Variants in PLIN1 observed in about 807,000 individuals in gnomAD.
The protein encoded by PLIN1 is perilipin 1.
PLIN1 carries 37 observed loss-of-function variants against 45.8 expected under a neutral mutation model. The ratio of observed to expected loss-of-function variants is 0.81; its 90% CI spans 0.62 to 1.06. The LOEUF is 1.06. Ranked by LOEUF, PLIN1 falls within the 50% of genes least tolerant of loss-of-function variation. The pLI is 0.00. For synonymous variants in PLIN1, 340 were observed against 309.2 expected (o/e 1.10, Z -1.05); for missense variants, 776 against 716.5 (o/e 1.08, Z -0.95).
chr15:89,674,496 C>T (rs1964487058), intron 2 of PLIN1, among the ~76,000 whole-genome samples: 1 of 152,128 alleles, frequency 6.6e-6, no homozygotes, highest in Non-Finnish European at 1.5e-5. Context: ...CTGCCTCAGC[C>T]TCCCAAATCA....
rs1425551357 is a variant in PLIN1, at chr15:89,671,631, G to A, written c.251-67C>T. On this transcript the variant is annotated intron_variant, in intron 3 of 8. Transcript: ENST00000300055. ...CCATGAGAATCTAGCAGTGGCTTCT[G>A]TGCCAAGGAAGTGACTTGGAGCCCT... The A allele has an allele frequency of 7.6e-6, 9 of 1,185,786 alleles. No individual in the cohort carries two copies. In the African/African-American group the frequency reaches 1.1e-4, roughly 14 times the overall value. 73.5% of individuals were successfully genotyped at this position (1,185,786 alleles called of 1,614,324 possible). A position where few individuals can be genotyped will look rare whatever the true frequency, so the allele number is the denominator to read the frequency against.
chr15:89,677,740 CT>C (rs1256478112), intron 1 of PLIN1: 3 of 532,340 alleles, frequency 5.6e-6, no homozygotes, highest in Non-Finnish European at 1.0e-5. Context: ...CTTTCTTTTT[CT>C]TTTCTTTCTT....
chr15:89,666,843 G>A (rs1479713119), intron 8 of PLIN1, 93 bp downstream of exon 8: 4 of 1,438,028 alleles, frequency 2.8e-6, no homozygotes, highest in Non-Finnish European at 3.9e-6. Flanking sequence ...TAGGGGAAAG[G>A]AGGGGGACTG....
chr15:89,678,370 C>T (rs766820287), intron 1 of PLIN1, among the ~76,000 whole-genome samples: 4 of 151,466 alleles, frequency 2.6e-5, no homozygotes, highest in Non-Finnish European at 4.4e-5. Context: ...ATTAGCCAGA[C>T]GTGGTGGTGG....
rs2350483 is a variant in PLIN1 at position 89,667,940 on chromosome 15, T to G, written c.772-147A>C. 1,213,576 of 1,262,810 alleles carry G rather than the reference T, an allele frequency of 0.96. 586,799 individuals carry two copies. The highest frequency in any genetic ancestry group is 1 in the Non-Finnish European group (926,419 of 929,304). 78.2% of individuals were successfully genotyped at this position (1,262,810 alleles called of 1,614,324 possible). A position where few individuals can be genotyped will look rare whatever the true frequency, so the allele number is the denominator to read the frequency against. On this transcript the variant is annotated intron_variant, in intron 6 of 8. Coordinates refer to ENST00000300055, the MANE Select transcript of PLIN1 (RefSeq NM_002666.5). ...GCAGACTTTTCTGGAAACTTTTTAT[T>G]GAGTTGGTAATCTACATACACTAAA...
Position 89,668,179 on chromosome 15 carries a change from G to A in PLIN1, c.772-386C>T, listed in dbSNP as rs1232288753. On this transcript the variant is annotated intron_variant, in intron 6 of 8. Transcript: ENST00000300055. ...CTTCATGTAAGTGGAGTCACACCAT[G>A]TGTATTCATCTATTAATAGCTCCTT... Among the ~76,000 whole-genome samples the A allele has an allele frequency of 2.6e-5, 4 of 152,302 alleles. No homozygotes were observed. The East Asian group carries it at 7.7e-4, about 29-fold the overall frequency.
In PLIN1 at chr15:89,670,223, T is replaced by C. The variant is rs1156992621; in HGVS notation, c.355A>G (p.Thr119Ala). ...PEKIASELKD[T>A]ISTRLRSARN... ...GCACTGCGGAGGCGGGTGGAGATGG[T>C]GTCCTTCAGCTCAGAAGCAATCTGG... Residue 119 changes from threonine (T) to alanine (A), a missense_variant, in exon 5 of 9, where the codon ACC becomes GCC. By Grantham distance (58) the Thr-to-Ala change is moderately conservative. Coordinates refer to ENST00000300055, the MANE Select transcript of PLIN1 (RefSeq NM_002666.5). The C allele has an allele frequency of 6.2e-7, 1 of 1,613,002 alleles. No individual in the cohort carries two copies. Among genetic ancestry groups the C allele is most frequent in the Non-Finnish European group, 8.5e-7 (1 of 1,179,518 alleles).
chr15:89,667,228 C>G, intron 7 of PLIN1, 47 bp from the exon 8 acceptor site: 1 of 1,607,678 alleles, frequency 6.2e-7, no homozygotes, highest in Non-Finnish European at 8.5e-7. Flanking sequence ...ACTCCCCTGA[C>G]CCTTCCCTCC....
Position 89,670,051 on chromosome 15 carries a change from C to T in PLIN1, c.527G>A (p.Gly176Glu), listed in dbSNP as rs747350591. 2 of 1,613,948 alleles carry T rather than the reference C, an allele frequency of 1.2e-6. No individual in the cohort carries two copies. Among genetic ancestry groups the T allele is most frequent in the African/African-American group, 2.7e-5 (2 of 74,918 alleles). Residue 176 changes from glycine to glutamate, a missense_variant, in exon 5 of 9, where the codon GGG (glycine) becomes GAG (glutamate). By Grantham distance (98) the Gly-to-Glu change is moderately conservative. Transcript: ENST00000300055. ...AATGCTGCCCAAGGCCAAGTCGGCCCCTCCAGAAGCCAGTCGGCCAGCTCG... is the reference window on the plus strand; with the variant it reads ...AATGCTGCCCAAGGCCAAGTCGGCCTCTCCAGAAGCCAGTCGGCCAGCTCG... ...NTRAGRLASG[G>E]ADLALGSIEK...
chr15:89,671,379 GAC>G lies in PLIN1; in HGVS notation c.333+101_333+102del, dbSNP rs951754160. On this transcript the variant is annotated intron_variant, in intron 4 of 8. Coordinates refer to ENST00000300055, the MANE Select transcript of PLIN1 (RefSeq NM_002666.5). ...CAGCCTTGGAGGGTGCTCACCATGGGACACAGACTTCCAGTCACGGCATCAGC... is the reference window on the plus strand; with the variant it reads ...CAGCCTTGGAGGGTGCTCACCATGGGACAGACTTCCAGTCACGGCATCAGC... 61 of 847,356 alleles carry G rather than the reference GAC, an allele frequency of 7.2e-5. No individual in the cohort carries two copies. The Middle Eastern group carries it at 9.9e-4, about 14-fold the overall frequency. The allele number at this position is 847,356 out of a possible 1,614,324, so 52.5% of individuals were successfully genotyped here.
chr15:89,665,207 G>T lies in PLIN1; in HGVS notation c.*376C>A, dbSNP rs1197232022. The T allele has an allele frequency of 4.4e-6, 1 of 225,258 alleles. No individual in the cohort carries two copies. Among genetic ancestry groups the T allele is most frequent in the African/African-American group, 2.3e-5 (1 of 43,252 alleles). 14.0% of individuals were successfully genotyped at this position (225,258 alleles called of 1,614,324 possible). A position where few individuals can be genotyped will look rare whatever the true frequency, so the allele number is the denominator to read the frequency against. ...TGGTGACAGGAGTTACTCATTCGTGGCAAATATTTATCCGCAGAGGCAGAA... is the reference window on the plus strand; with the variant it reads ...TGGTGACAGGAGTTACTCATTCGTGTCAAATATTTATCCGCAGAGGCAGAA... On this transcript the variant is annotated 3_prime_UTR_variant, in exon 9 of 9. Transcript: ENST00000300055.
Position 89,665,884 on chromosome 15 carries a change from G to C in PLIN1, c.1268C>G (p.Pro423Arg). Residue 423 changes from proline (P) to arginine (R), a missense_variant, in exon 9 of 9, where the codon CCA becomes CGA. Pro to Arg is a moderately radical substitution (Grantham distance 103). Transcript: ENST00000300055. The part of the protein sequence containing the change: ...ESEFRDIDNP[P>R]AEVERREAER... ...CGCCTCCCGGCGCTCGACCTCGGCT[G>C]GTGGGTTGTCGATGTCCCGGAATTC... 6.5e-7 allele frequency: 1 copy of C among 1,527,522 alleles called. No homozygotes were observed. Among genetic ancestry groups the C allele is most frequent in the African/African-American group, 1.4e-5 (1 of 70,818 alleles). The allele number at this position is 1,527,522 out of a possible 1,614,324, so 94.6% of individuals were successfully genotyped here. A position where few individuals can be genotyped will look rare whatever the true frequency, so the allele number is the denominator to read the frequency against.
chr15:89,667,261 G>T, intron 7 of PLIN1, 80 bp from the exon 8 acceptor site: 3 of 1,580,866 alleles, frequency 1.9e-6, no homozygotes, highest in Non-Finnish European at 2.6e-6. Flanking sequence ...GGGCTAGAGG[G>T]GAAAGCATGA....
chr15:89,673,386 A>G lies in PLIN1; in HGVS notation c.74T>C (p.Leu25Pro), dbSNP rs1339134907. Residue 25 changes from leucine (L) to proline (P), a missense_variant, in exon 3 of 9, where the codon CTG (leucine) becomes CCG (proline). Coordinates refer to ENST00000300055, the MANE Select transcript of PLIN1 (RefSeq NM_002666.5). ...PEQENVLQRV[L>P]QLPVVSGTCE... The stretch of plus-strand genomic sequence containing the variant: ...GGTGCCACTCACCACCGGCAGCTGC[A>G]GGACCCGCTGCAGCACATTCTCCTG... 3.7e-6 allele frequency: 6 copies of G among 1,603,880 alleles called. No individual in the cohort carries two copies. The highest frequency in any genetic ancestry group is 5.1e-6 in the Non-Finnish European group (6 of 1,175,126).
Position 89,665,186 on chromosome 15 carries a change from G to A in PLIN1, c.*397C>T, listed in dbSNP as rs993027915. On this transcript the variant is annotated 3_prime_UTR_variant, in exon 9 of 9. Transcript: ENST00000300055. ...CTTCTGTCTGGACCTTCAGAGTGGT[G>A]ACAGGAGTTACTCATTCGTGGCAAA... is the stretch of plus-strand genomic sequence containing the variant. 11 of 232,698 alleles carry A rather than the reference G, an allele frequency of 4.7e-5. No individual in the cohort carries two copies. In the Admixed American group the frequency reaches 5.7e-4, roughly 12 times the overall value. The allele number at this position is 232,698 out of a possible 1,614,324, so 14.4% of individuals were successfully genotyped here.
rs575081416 is a variant in PLIN1, at chr15:89,665,546, A to G, written c.*37T>C. On this transcript the variant is annotated 3_prime_UTR_variant, in exon 9 of 9. Transcript: ENST00000300055. The stretch of plus-strand genomic sequence containing the variant: ...CGGGTTCTGTTTATTTGTTAGAGAA[A>G]CCCGCCGGCCCGGGGCGCGGCGGCT... 2.6e-6 allele frequency: 4 copies of G among 1,515,010 alleles called. No individual in the cohort carries two copies. Among genetic ancestry groups the G allele is most frequent in the Admixed American group, 2.0e-5 (1 of 49,842 alleles). The allele number at this position is 1,515,010 out of a possible 1,614,324, so 93.8% of individuals were successfully genotyped here.
intron 6 of PLIN1, among the ~76,000 whole-genome samples, chr15:89,669,118 C>T (rs75678048): frequency 0.019 from 2,828 of 152,204 alleles, 108 homozygotes; most frequent in African/African-American, 0.065. Flanking sequence ...ATGACAGTCC[C>T]TAGTGCTTGC....
At chr15:89,667,910 C>A (rs1004192714) in intron 6 of PLIN1, 117 bp from the exon 7 acceptor site, 2 of 1,465,204 alleles carry the variant, frequency 1.4e-6, no homozygotes, top group Admixed American at 4.7e-5. Flanking sequence ...CAGGGCTCAG[C>A]CCCAGCAGAC....
Position 89,665,499 on chromosome 15 carries a change from G to T in PLIN1, c.*84C>A. 1 of 1,368,548 alleles carries T rather than the reference G, an allele frequency of 7.3e-7. No individual in the cohort carries two copies. Among genetic ancestry groups the T allele is most frequent in the Non-Finnish European group, 9.8e-7 (1 of 1,015,254 alleles). The allele number at this position is 1,368,548 out of a possible 1,614,324, so 84.8% of individuals were successfully genotyped here. A position where few individuals can be genotyped will look rare whatever the true frequency, so the allele number is the denominator to read the frequency against. ...CTCCCCAGGGGACCACTTTGAAAGT[G>T]GCAACGCTCGCCTGGGCAGTGCGGG... On this transcript the variant is annotated 3_prime_UTR_variant, in exon 9 of 9. Transcript: ENST00000300055.
Sources: allele counts gnomAD v4.1 joint callset (sites outside exome capture counted in the v4.1 genomes callset), GRCh38; gene constraint gnomAD v4.1.1; transcripts MANE v1.5; gene names NCBI Gene and HGNC (gene_info 2026-07-23, HGNC 2026-07-21).